Variants in UTRN observed in about 807,000 individuals in gnomAD.
The protein encoded by UTRN is dystrophin-related protein 1.
A neutral mutation model predicts 463.9 loss-of-function variants in UTRN; 283 were observed. The ratio of observed to expected loss-of-function variants is 0.61; its 90% confidence interval spans 0.55 to 0.67. The LOEUF is 0.67. UTRN is among the 30% of genes least tolerant of loss of function. The probability of loss-of-function intolerance (pLI) is 0.00; values close to 1 mark genes in which losing one functional copy is unlikely to be tolerated. For synonymous variants in UTRN, 1,442 were observed against 1,431.5 expected, an observed-to-expected ratio of 1.01 and a Z score of -0.17; for missense variants, 3,922 against 4,084.3, an observed-to-expected ratio of 0.96 and a Z score of 1.08.
chr6:144,289,765 C>G (rs1336645323), intron 1 of UTRN, among the ~76,000 whole-genome samples: 1 of 152,190 alleles, frequency 6.6e-6, no homozygotes, highest in Admixed American at 6.5e-5. Context: ...TCTCCTGCCT[C>G]AGCCTCCCAA....
intron 1 of UTRN, 49 bp from the exon 2 acceptor site, chr6:144,291,688 A>T: frequency 1.7e-6 from 1 of 578,650 alleles, no homozygotes; most frequent in East Asian, 3.3e-5. Context: ...AACTATATAA[A>T]ATATATAAAT....
intron 51 of UTRN, among the ~76,000 whole-genome samples, chr6:144,628,855 G>T (rs146819492): frequency 1.3e-5 from 2 of 152,086 alleles, no homozygotes; most frequent in Non-Finnish European, 2.9e-5. Flanking sequence ...GAGTTAAACT[G>T]CCCGGGCAGA....
chr6:144,621,525 T>C (rs1006186117), intron 51 of UTRN, among the ~76,000 whole-genome samples: 1 of 152,154 alleles, frequency 6.6e-6, no homozygotes, highest in African/African-American at 2.4e-5. Context: ...ATAGCACTTA[T>C]CTCGCTATGA....
chr6:144,499,476 G>A (rs1793979424), intron 34 of UTRN, 49 bp downstream of exon 34: 10 of 1,505,014 alleles, frequency 6.6e-6, no homozygotes, highest in Non-Finnish European at 8.1e-6. Flanking sequence ...GCGTAACATG[G>A]CATTTGTTCG....
intron 50 of UTRN, among the ~76,000 whole-genome samples, chr6:144,560,537 T>G (rs1255845343): frequency 2.0e-5 from 3 of 152,158 alleles, no homozygotes; most frequent in Non-Finnish European, 4.4e-5. Flanking sequence ...TTTATATACA[T>G]CATTGTCAGC....
intron 51 of UTRN, among the ~76,000 whole-genome samples, chr6:144,615,752 G>C (rs913628618): frequency 2.0e-5 from 3 of 151,752 alleles, no homozygotes; most frequent in Admixed American, 6.6e-5. Flanking sequence ...TGTTGTTTTT[G>C]CTTCTAGTAT....
intron 33 of UTRN, among the ~76,000 whole-genome samples, chr6:144,497,138 A>G (rs768043603): frequency 1.3e-5 from 2 of 152,190 alleles, no homozygotes; most frequent in Non-Finnish European, 2.9e-5. Flanking sequence ...GCATTTTGGA[A>G]GAGGAATTGG....
intron 51 of UTRN, among the ~76,000 whole-genome samples, chr6:144,599,449 A>G (rs1040509546): frequency 1.3e-5 from 2 of 152,204 alleles, no homozygotes; most frequent in Admixed American, 6.5e-5. Flanking sequence ...GGATATGTCA[A>G]CTATGCTGAA....
At chr6:144,479,442 CTTTCTTT>C (rs1350148335) in intron 25 of UTRN, among the ~76,000 whole-genome samples, 1 of 151,810 alleles carries the variant, frequency 6.6e-6, no homozygotes, top group Non-Finnish European at 1.5e-5. Flanking sequence ...TTTGTTTTTG[CTTTCTTT>C]TTTCTTTTTT....
chr6:144,602,153 G>A (rs1804314402), intron 51 of UTRN, among the ~76,000 whole-genome samples: 4 of 151,724 alleles, frequency 2.6e-5, no homozygotes, highest in Admixed American at 2.0e-4. Context: ...TTTTGAGACT[G>A]AGTTTCACTC....
intron 13 of UTRN, among the ~76,000 whole-genome samples, chr6:144,443,308 A>G (rs186489931): frequency 7.2e-5 from 11 of 152,322 alleles, no homozygotes; most frequent in African/African-American, 2.4e-4. Flanking sequence ...GTAGTTAGTT[A>G]TTATAACCTG....
chr6:144,789,070 T>G (rs1027658331), intron 61 of UTRN, 124 bp from the exon 62 acceptor site: 1 of 731,390 alleles, frequency 1.4e-6, no homozygotes, highest in African/African-American at 1.8e-5. Context: ...AATAGAAAAG[T>G]TGCATCTTTA....
At chr6:144,307,203 T>C (rs983385202) in intron 2 of UTRN, among the ~76,000 whole-genome samples, 2 of 152,168 alleles carry the variant, frequency 1.3e-5, no homozygotes, top group Admixed American at 6.5e-5. Context: ...GGTTTTTGAT[T>C]TGTAATATTT....
At chr6:144,748,885 T>A (rs1440070562) in intron 55 of UTRN, among the ~76,000 whole-genome samples, 1 of 152,306 alleles carries the variant, frequency 6.6e-6, no homozygotes, top group East Asian at 1.9e-4. Flanking sequence ...AGACACTGAA[T>A]TGTTTGTTTT....
At chr6:144,417,897 A>G (rs1321153673) in intron 3 of UTRN, among the ~76,000 whole-genome samples, 1 of 152,116 alleles carries the variant, frequency 6.6e-6, no homozygotes, top group African/African-American at 2.4e-5. Flanking sequence ...TGACACTACC[A>G]TGTTCTCATG....
At chr6:144,744,320 A>ATG (rs757430794) in intron 54 of UTRN, among the ~76,000 whole-genome samples, 4,376 of 95,330 alleles carry the variant, frequency 0.046, 123 homozygotes, top group South Asian at 0.14. Context: ...ATATATATAT[A>ATG]TGTGTGTGTG....
intron 34 of UTRN, among the ~76,000 whole-genome samples, chr6:144,500,953 A>T (rs916562756): frequency 6.6e-6 from 1 of 152,248 alleles, no homozygotes; most frequent in African/African-American, 2.4e-5. Context: ...GTTTATATAA[A>T]GCCACAAGTA....
chr6:144,537,681 A>T lies in UTRN; in HGVS notation c.6333A>T (p.Ser2111=). 1.2e-6 allele frequency: 2 copies of T among 1,611,524 alleles called. No homozygotes were observed. Among genetic ancestry groups the T allele is most frequent in the Non-Finnish European group, 1.7e-6 (2 of 1,178,984 alleles). ...CTGAGCATGCTATGCAAAAGAGATC[A>T]ACCACCGAATTGGGAGAAAACCTGC... The part of the protein sequence containing the change: ...TKAEHAMQKR[S]TTELGENLQE... Residue 2111 remains serine, a synonymous_variant, in exon 44 of 75, where the codon TCA becomes TCT. Transcript: ENST00000367545.
At chr6:144,566,815 C>T (rs572731970) in intron 50 of UTRN, among the ~76,000 whole-genome samples, 1 of 152,124 alleles carries the variant, frequency 6.6e-6, no homozygotes, top group Non-Finnish European at 1.5e-5. Flanking sequence ...CAAACTGAGG[C>T]ATAAAGGATC....
Sources: allele counts gnomAD v4.1 joint callset (sites outside exome capture counted in the v4.1 genomes callset), GRCh38; gene constraint gnomAD v4.1.1; transcripts MANE v1.5; gene names NCBI Gene and HGNC (gene_info 2026-07-23, HGNC 2026-07-21).